PTPN2: variants seen among roughly 807,000 people sequenced by gnomAD.
PTPN2 encodes protein tyrosine phosphatase non-receptor type 2, also known as tyrosine-protein phosphatase non-receptor type 2.
A neutral mutation model predicts 57.3 loss-of-function variants in PTPN2; 19 were observed. That is an observed-to-expected ratio of 0.33 (90% CI 0.23 to 0.49). PTPN2 has a LOEUF of 0.49. Ranked by LOEUF, PTPN2 falls within the 20% of genes least tolerant of loss-of-function variation. The pLI is 0.99. For synonymous variants in PTPN2, 153 were observed against 164.9 expected (o/e 0.93, Z 0.55); for missense variants, 358 against 501.1 (o/e 0.71, Z 2.73).
intron 8 of PTPN2, among the ~76,000 whole-genome samples, chr18:12,797,962 G>A (rs1270657655): frequency 6.6e-6 from 1 of 152,178 alleles, no homozygotes; most frequent in Non-Finnish European, 1.5e-5. Flanking sequence ...CTAGGCTCAA[G>A]TGATCCACCC....
downstream of PTPN2, among the ~76,000 whole-genome samples, chr18:12,791,979 A>ACAAAC (rs1437870467): frequency 6.6e-6 from 1 of 152,204 alleles, no homozygotes; most frequent in Non-Finnish European, 1.5e-5. Flanking sequence ...TTTAGCAAAG[A>ACAAAC]CAAACCAATG....
Position 12,884,115 on chromosome 18 carries a change from G to C in PTPN2, c.27C>G (p.Phe9Leu). ...AGCGACGCTGAGTATCCAACTCTTCGAACTCCCGCTCGATGGTGGTGGGCA... is the reference window on the plus strand; with the variant it reads ...AGCGACGCTGAGTATCCAACTCTTCCAACTCCCGCTCGATGGTGGTGGGCA... MPTTIERE[F>L]EELDTQRRWQ... The change falls in exon 1 of 9, where the codon TTC (phenylalanine) becomes TTG (leucine). Residue 9 changes from phenylalanine (F) to leucine (L), a missense_variant. This residue lies in a region of PTPN2 where 62 missense variants were observed against 47.9 expected (regional missense o/e 1.29). Coordinates refer to ENST00000309660, the MANE Select transcript of PTPN2 (RefSeq NM_002828.4). 2 of 1,588,784 alleles carry C rather than the reference G, an allele frequency of 1.3e-6. No homozygotes were observed. Among genetic ancestry groups the C allele is most frequent in the Non-Finnish European group, 8.6e-7 (1 of 1,169,042 alleles).
chr18:12,807,119 G>A (rs2041681617), intron 7 of PTPN2, among the ~76,000 whole-genome samples: 1 of 151,974 alleles, frequency 6.6e-6, no homozygotes, highest in African/African-American at 2.4e-5. Flanking sequence ...ATTAAAAATA[G>A]GTAAAAGACC....
At chr18:12,799,094 C>T (rs933651234) in intron 8 of PTPN2, among the ~76,000 whole-genome samples, 2 of 152,048 alleles carry the variant, frequency 1.3e-5, no homozygotes, top group Non-Finnish European at 2.9e-5. Flanking sequence ...AAAATGAATA[C>T]AAGAAAGTAC....
In PTPN2 at chr18:12,865,132, T is replaced by C. The variant is rs771385408; in HGVS notation, c.70-5878A>G. On this transcript the variant is annotated intron_variant, in intron 1 of 8. Transcript: ENST00000309660. Reference sequence around the variant, plus strand: ...ACATTCATAGAATCCTCAAACTAACTTGGTGTTATAGGATGGTCTTGAAAG... The same window carrying C: ...ACATTCATAGAATCCTCAAACTAACCTGGTGTTATAGGATGGTCTTGAAAG... Among the ~76,000 whole-genome samples the C allele has an allele frequency of 6.4e-4, 98 of 152,204 alleles. 1 individual carries two copies. The Middle Eastern group carries it at 0.017, about 26-fold the overall frequency.
chr18:12,831,374 A>G (rs1028548411), intron 3 of PTPN2, among the ~76,000 whole-genome samples: 1 of 152,186 alleles, frequency 6.6e-6, no homozygotes, highest in Non-Finnish European at 1.5e-5. Context: ...GCCCCAAAGA[A>G]AGTCAACCTG....
At chr18:12,799,994 T>A (rs1456450367) in intron 8 of PTPN2, among the ~76,000 whole-genome samples, 1 of 152,116 alleles carries the variant, frequency 6.6e-6, no homozygotes, top group East Asian at 1.9e-4. Context: ...AATTCTGACT[T>A]TTCTGTTGGG....
chr18:12,799,703 CAAG>C (rs1439472453), intron 8 of PTPN2, among the ~76,000 whole-genome samples: 1 of 152,080 alleles, frequency 6.6e-6, no homozygotes, highest in East Asian at 1.9e-4. Flanking sequence ...CTCAGCCTCC[CAAG>C]AAGCTGGGAC....
chr18:12,855,673 G>A (rs1191059834), intron 2 of PTPN2, among the ~76,000 whole-genome samples: 1 of 152,150 alleles, frequency 6.6e-6, no homozygotes. Flanking sequence ...GCAGACGAGG[G>A]CATGAGGACA....
chr18:12,874,807 G>A (rs1010047618), intron 1 of PTPN2, among the ~76,000 whole-genome samples: 97 of 152,358 alleles, frequency 6.4e-4, no homozygotes, highest in African/African-American at 2.2e-3. Context: ...TGGGAGGTGT[G>A]CCCAACAGCT....
chr18:12,817,059 G>A, intron 6 of PTPN2, 97 bp downstream of exon 6: 1 of 1,200,640 alleles, frequency 8.3e-7, no homozygotes, highest in Admixed American at 2.3e-5. Flanking sequence ...AAAAACCTCA[G>A]TTCTGGGATA....
intron 2 of PTPN2, among the ~76,000 whole-genome samples, chr18:12,852,076 TAG>T (rs1303725441): frequency 5.9e-5 from 9 of 152,058 alleles, no homozygotes; most frequent in Admixed American, 6.6e-5. Context: ...TCAATGGATT[TAG>T]AGTTTCAGTT....
intron 1 of PTPN2, among the ~76,000 whole-genome samples, chr18:12,866,166 C>T (rs1485682953): frequency 8.5e-5 from 13 of 152,126 alleles, no homozygotes; most frequent in Admixed American, 7.2e-4. Context: ...CAGCCGGGCG[C>T]GGTGGCTCAC....
intron 7 of PTPN2, 71 bp from the exon 8 acceptor site, chr18:12,802,222 A>G: frequency 7.6e-6 from 9 of 1,177,082 alleles, no homozygotes; most frequent in Non-Finnish European, 1.0e-5. Flanking sequence ...AAAAAAATTT[A>G]TGAATTAAAA....
intron 1 of PTPN2, among the ~76,000 whole-genome samples, chr18:12,861,866 C>T (rs1453547794): frequency 6.6e-6 from 1 of 152,232 alleles, no homozygotes; most frequent in Admixed American, 6.5e-5. Flanking sequence ...AAACACACTT[C>T]TTTGTGTGCA....
chr18:12,838,406 A>G (rs2042940698), intron 2 of PTPN2, among the ~76,000 whole-genome samples: 1 of 152,212 alleles, frequency 6.6e-6, no homozygotes, highest in Admixed American at 6.5e-5. Flanking sequence ...AAAGACCTTC[A>G]GCCAGAGTAT....
chr18:12,786,090 T>C, intron 9 of PTPN2: 1 of 506,904 alleles, frequency 2.0e-6, no homozygotes, highest in Non-Finnish European at 3.5e-6. Flanking sequence ...TGACTTATAT[T>C]CTTCTTCAAG....
intron 1 of PTPN2, chr18:12,868,966 A>G (rs2145503798): frequency 6.6e-6 from 1 of 152,198 alleles, no homozygotes; most frequent in South Asian, 2.1e-4. Flanking sequence ...CCTTGCCAAC[A>G]TGGCAAAACC....
intron 1 of PTPN2, among the ~76,000 whole-genome samples, chr18:12,871,905 G>A (rs761871883): frequency 2.0e-5 from 3 of 152,002 alleles, no homozygotes; most frequent in Non-Finnish European, 4.4e-5. Flanking sequence ...ACAATTAGCT[G>A]GGCGTGGTGG....
Sources: gnomAD v4.1 joint callset for allele counts (sites outside exome capture counted in the v4.1 genomes callset) on GRCh38, gnomAD v4.1.1 for gene constraint, gnomAD v4.1.1 regional missense constraint, MANE v1.5 for transcripts, NCBI Gene and HGNC (gene_info 2026-07-23, HGNC 2026-07-21) for gene names.